The following DEPTOR variants were observed in gnomAD, a reference collection of about 807,000 sequenced individuals.
DEPTOR encodes the protein DEP domain containing MTOR interacting protein.
In DEPTOR, 41 loss-of-function variants were observed where a neutral mutation model predicts 41.6. That is an observed-to-expected ratio of 0.98 (90% CI 0.77 to 1.28). The LOEUF is 1.28. Among genes scored for constraint, DEPTOR ranks in the 50% most tolerant of loss-of-function variants. The pLI, the probability that DEPTOR is intolerant of heterozygous loss-of-function variation, is 0.00. For synonymous variants in DEPTOR, 195 were observed against 192.3 expected (o/e 1.01, Z -0.12); for missense variants, 514 against 527.9 (o/e 0.97, Z 0.26).
chr8:119,953,251 T>A (rs187384161), intron 3 of DEPTOR, among the ~76,000 whole-genome samples: 19 of 152,306 alleles, frequency 1.2e-4, no homozygotes, highest in Admixed American at 7.8e-4. Flanking sequence ...TGTCCATTTT[T>A]ATGCTAGGGT....
intron 1 of DEPTOR, among the ~76,000 whole-genome samples, chr8:119,906,881 G>A (rs1827670464): frequency 6.6e-6 from 1 of 152,150 alleles, no homozygotes; most frequent in Non-Finnish European, 1.5e-5. Flanking sequence ...CATTCGCGTT[G>A]TTCATCAGGG....
chr8:119,919,694 A>G (rs968666260), intron 1 of DEPTOR, among the ~76,000 whole-genome samples: 1 of 152,140 alleles, frequency 6.6e-6, no homozygotes, highest in African/African-American at 2.4e-5. Context: ...AAGCATATCT[A>G]TGTCAGTACT....
chr8:119,997,621 A>G (rs1275108279), intron 4 of DEPTOR, among the ~76,000 whole-genome samples: 1 of 152,222 alleles, frequency 6.6e-6, no homozygotes, highest in African/African-American at 2.4e-5. Flanking sequence ...GGCCAAAGTG[A>G]ATATCACCAT....
intron 4 of DEPTOR, among the ~76,000 whole-genome samples, chr8:119,987,684 A>G (rs973686692): frequency 3.3e-5 from 5 of 152,054 alleles, no homozygotes; most frequent in South Asian, 2.1e-4. Context: ...TTTTATCTAT[A>G]AGTCCCTGAC....
At chr8:119,952,354 C>T (rs563232162) in intron 3 of DEPTOR, among the ~76,000 whole-genome samples, 3 of 152,268 alleles carry the variant, frequency 2.0e-5, no homozygotes, top group South Asian at 4.1e-4. Context: ...GCTGGTGCAG[C>T]CCCTCACCTC....
rs564611455 is a variant in DEPTOR, at chr8:120,001,696, C to G, written c.776C>G (p.Thr259Ser). 1 of 1,612,754 alleles carries G rather than the reference C, an allele frequency of 6.2e-7. No homozygotes were observed. Among genetic ancestry groups the G allele is most frequent in the South Asian group, 1.1e-5 (1 of 90,742 alleles). The change falls in exon 5 of 9, where the codon ACC becomes AGC. Residue 259 changes from threonine to serine, a missense_variant. By Grantham distance (58) the Thr-to-Ser change is moderately conservative (BLOSUM62 1). Coordinates refer to ENST00000286234, the MANE Select transcript of DEPTOR (RefSeq NM_022783.4). ...RKQSHDNRKS[T>S]SFMSVSPSKE... ...CAGAGCCATGACAATCGGAAATCTA[C>G]CAGCTTTATGTCAGGTATGCCATCC...
At chr8:120,039,330 A>G (rs1031611237) in intron 8 of DEPTOR, among the ~76,000 whole-genome samples, 1 of 152,212 alleles carries the variant, frequency 6.6e-6, no homozygotes, top group South Asian at 2.1e-4. Context: ...TAAGCCACTC[A>G]GTTTATGGTA....
chr8:119,899,694 C>T (rs997005560), intron 1 of DEPTOR, among the ~76,000 whole-genome samples: 2 of 152,278 alleles, frequency 1.3e-5, no homozygotes, highest in South Asian at 2.1e-4. Context: ...CAGAGAAACT[C>T]GCAAACCTAT....
At chr8:119,898,518 G>A (rs962417088) in intron 1 of DEPTOR, among the ~76,000 whole-genome samples, 4 of 152,064 alleles carry the variant, frequency 2.6e-5, no homozygotes, top group Non-Finnish European at 5.9e-5. Flanking sequence ...GAGCTCAGGA[G>A]TTCAAGACCA....
At chr8:120,022,680 T>C (rs1254427680) in intron 8 of DEPTOR, among the ~76,000 whole-genome samples, 1 of 143,766 alleles carries the variant, frequency 7.0e-6, no homozygotes, top group African/African-American at 2.6e-5. Context: ...CCACTTTTTG[T>C]TTTTTTATTT....
chr8:119,958,656 C>A (rs191440120), intron 3 of DEPTOR, among the ~76,000 whole-genome samples: 155 of 152,146 alleles, frequency 1.0e-3, no homozygotes, highest in African/African-American at 3.5e-3. Flanking sequence ...GTGGCATGCA[C>A]CTGTAATCCC....
At chr8:119,941,100 G>A (rs956459829) in intron 3 of DEPTOR, among the ~76,000 whole-genome samples, 4 of 152,106 alleles carry the variant, frequency 2.6e-5, no homozygotes, top group South Asian at 4.2e-4. Context: ...GGGGCTGGGC[G>A]TGGTGGCAGA....
intron 8 of DEPTOR, among the ~76,000 whole-genome samples, chr8:120,048,798 C>T (rs1399523215): frequency 1.3e-5 from 2 of 151,966 alleles, no homozygotes; most frequent in Admixed American, 6.6e-5. Flanking sequence ...TGAGAATAGG[C>T]GTTTTTACCT....
intron 3 of DEPTOR, among the ~76,000 whole-genome samples, chr8:119,940,736 C>T (rs1192188268): frequency 6.6e-6 from 1 of 151,842 alleles, no homozygotes; most frequent in African/African-American, 2.4e-5. Context: ...GAAACTCCGT[C>T]TCAAATTAAA....
chr8:119,967,569 A>G (rs958907367), intron 4 of DEPTOR, among the ~76,000 whole-genome samples: 46 of 151,190 alleles, frequency 3.0e-4, no homozygotes, highest in Middle Eastern at 3.4e-3. Flanking sequence ...CCTGGCCAAC[A>G]TGGTGAAACC....
rs376926984 is a variant in DEPTOR, at chr8:119,929,896, A to T, written c.383A>T (p.Asn128Ile). ...RKDDGTFPLDNEVKAFMRGQR... is the reference protein window; with the variant it reads ...RKDDGTFPLDIEVKAFMRGQR... ...GATGACGGCACCTTCCCATTGGATA[A>T]TGAAGTGAAGGCCTTTATGAGAGGA... is the stretch of plus-strand genomic sequence containing the variant. Residue 128 changes from asparagine (N) to isoleucine (I), a missense_variant, in exon 3 of 9, where the codon AAT becomes ATT. Transcript: ENST00000286234. 1 of 1,613,814 alleles carries T rather than the reference A, an allele frequency of 6.2e-7. No homozygotes were observed. Among genetic ancestry groups the T allele is most frequent in the African/African-American group, 1.3e-5 (1 of 74,924 alleles).
chr8:120,005,758 G>T (rs1199149156), intron 6 of DEPTOR, among the ~76,000 whole-genome samples: 1 of 152,286 alleles, frequency 6.6e-6, no homozygotes, highest in South Asian at 2.1e-4. Context: ...TGGATGGGGG[G>T]GTTCATTATC....
At chr8:119,931,545 G>A (rs765290109) in intron 3 of DEPTOR, among the ~76,000 whole-genome samples, 13 of 152,082 alleles carry the variant, frequency 8.5e-5, no homozygotes, top group Non-Finnish European at 1.3e-4. Flanking sequence ...CAGTACTGAC[G>A]GCCACCCTCG....
At position 120,048,650 on chromosome 8, in the gene DEPTOR, C is replaced by T. The variant is rs950507753; in HGVS notation, c.1102-926C>T. ...AATAAGCAGTCTGTGTACTACTGCC[C>T]GCTTTCCATTTTGTTTTGCCTGTGA... On this transcript the variant is annotated intron_variant, in intron 8 of 8. Coordinates refer to ENST00000286234, the MANE Select transcript of DEPTOR (RefSeq NM_022783.4). Among the ~76,000 whole-genome samples the T allele has an allele frequency of 9.9e-5, 15 of 152,094 alleles. No individual in the cohort carries two copies. The South Asian group carries it at 1.7e-3, about 17-fold the overall frequency.
Sources: gnomAD v4.1 joint callset for allele counts (sites outside exome capture counted in the v4.1 genomes callset) on GRCh38, gnomAD v4.1.1 for gene constraint, MANE v1.5 for transcripts, NCBI Gene and HGNC (gene_info 2026-07-23, HGNC 2026-07-21) for gene names.